The following TRIM35 variants were observed in gnomAD, a reference collection of about 807,000 sequenced individuals.
The protein encoded by TRIM35 is E3 ubiquitin-protein ligase TRIM35.
TRIM35 carries 37 observed loss-of-function variants against 49.1 expected under a neutral mutation model. The observed-to-expected ratio is 0.75, with a 90% CI of 0.58 to 0.99. TRIM35 has a LOEUF of 0.99. Ranked by LOEUF, TRIM35 falls within the 50% of genes least tolerant of loss-of-function variation. The probability of loss-of-function intolerance (pLI) is 0.00; values close to 1 mark genes in which losing one functional copy is unlikely to be tolerated. For missense variants in TRIM35, 648 were observed against 702.7 expected, an observed-to-expected ratio of 0.92 and a Z score of 0.88; for synonymous variants, 302 against 289.3, an observed-to-expected ratio of 1.04 and a Z score of -0.45.
chr8:27,303,771 G>A (rs1802726562), intron 1 of TRIM35, among the ~76,000 whole-genome samples: 1 of 152,134 alleles, frequency 6.6e-6, no homozygotes, highest in Non-Finnish European at 1.5e-5. Context: ...TCGGCTCACT[G>A]CAACCTCTGT....
At chr8:27,304,470 C>T (rs958224263) in intron 1 of TRIM35, among the ~76,000 whole-genome samples, 11 of 152,192 alleles carry the variant, frequency 7.2e-5, no homozygotes, top group Admixed American at 7.2e-4. Flanking sequence ...CCCGATCTTG[C>T]CAGCTCAGGT....
rs1359661625 is a variant in TRIM35, at chr8:27,287,279, G to C, written c.*271C>G. 2.2e-6 allele frequency: 1 copy of C among 462,066 alleles called. No homozygotes were observed. Among genetic ancestry groups the C allele is most frequent in the Non-Finnish European group, 3.9e-6 (1 of 259,170 alleles). 28.6% of individuals were successfully genotyped at this position (462,066 alleles called of 1,614,324 possible). ...CATTATTCCCAGAAATCCTGGAATA[G>C]GGATTCAGAAAATTCACATTGTGGA... On this transcript the variant is annotated 3_prime_UTR_variant, in exon 6 of 6. Transcript: ENST00000305364. This position sits in a 1 kb window ranked among gnomAD's most constrained non-coding sequence, Gnocchi z 6.0.
chr8:27,306,512 G>A (rs1359532637), intron 1 of TRIM35, among the ~76,000 whole-genome samples: 1 of 152,008 alleles, frequency 6.6e-6, no homozygotes, highest in Non-Finnish European at 1.5e-5. Flanking sequence ...TTTTAGTAGA[G>A]ATGGGGTTTC....
chr8:27,287,421 C>G lies in TRIM35; in HGVS notation c.*129G>C. The G allele has an allele frequency of 2.0e-6, 2 of 1,000,238 alleles. No homozygotes were observed. Among genetic ancestry groups the G allele is most frequent in the Admixed American group, 2.9e-5 (1 of 34,418 alleles). The allele number at this position is 1,000,238 out of a possible 1,614,324, so 62.0% of individuals were successfully genotyped here. On this transcript the variant is annotated 3_prime_UTR_variant, in exon 6 of 6. Coordinates refer to ENST00000305364, the MANE Select transcript of TRIM35 (RefSeq NM_171982.5). This position sits in a 1 kb window ranked among gnomAD's most constrained non-coding sequence, Gnocchi z 6.0. ...ACAGCCTGGAGTCATGGAAAAGGAC[C>G]AGGCAGGACAGGAGGAAGAGCCTGG...
chr8:27,308,918 C>T (rs1345583500), intron 1 of TRIM35, among the ~76,000 whole-genome samples: 1 of 152,258 alleles, frequency 6.6e-6, no homozygotes, highest in African/African-American at 2.4e-5. Context: ...CTTAAATTCC[C>T]TCAGTGCCTA....
chr8:27,294,574 T>C (rs1802528258), intron 2 of TRIM35, among the ~76,000 whole-genome samples: 1 of 152,238 alleles, frequency 6.6e-6, no homozygotes, highest in East Asian at 1.9e-4. Flanking sequence ...GCAACTGTAG[T>C]ACTATAACCT....
At chr8:27,304,220 G>A (rs1802737089) in intron 1 of TRIM35, among the ~76,000 whole-genome samples, 1 of 152,230 alleles carries the variant, frequency 6.6e-6, no homozygotes, top group African/African-American at 2.4e-5. Context: ...AAGCAGGAAG[G>A]TAGGGGCAAG....
chr8:27,298,457 C>T lies in TRIM35; in HGVS notation c.531+7G>A, dbSNP rs1004215835. 1.2e-5 allele frequency: 20 copies of T among 1,613,780 alleles called. No homozygotes were observed. Among genetic ancestry groups the T allele is most frequent in the Middle Eastern group, 1.7e-4 (1 of 5,992 alleles). ...AATCTTCCCACTTGGCCCCATCGTT[C>T]GCTCACCTGATTGTGCTTGGCGATG... On this transcript the variant is annotated splice_region_variant and intron_variant, in intron 2 of 5. Coordinates refer to ENST00000305364, the MANE Select transcript of TRIM35 (RefSeq NM_171982.5).
chr8:27,292,048 C>T (rs1161271435), intron 3 of TRIM35, among the ~76,000 whole-genome samples: 1 of 152,170 alleles, frequency 6.6e-6, no homozygotes, highest in Admixed American at 6.5e-5. Flanking sequence ...CATATTTAAA[C>T]CACAGCAACC....
At chr8:27,301,794 A>G (rs1802687983) in intron 1 of TRIM35, among the ~76,000 whole-genome samples, 1 of 152,184 alleles carries the variant, frequency 6.6e-6, no homozygotes, top group African/African-American at 2.4e-5. Flanking sequence ...TTGCATTATT[A>G]TTGTATAGCT....
Position 27,290,234 on chromosome 8 carries a change from T to A in TRIM35, c.763-56A>T, listed in dbSNP as rs1802425579. On this transcript the variant is annotated intron_variant, in intron 3 of 5. Coordinates refer to ENST00000305364, the MANE Select transcript of TRIM35 (RefSeq NM_171982.5). ...GAGACACAGATGTAGAGGAAATGTATATGTTTCTGACCTCAAAAGAAGTCA... is the reference window on the plus strand; with the variant it reads ...GAGACACAGATGTAGAGGAAATGTAAATGTTTCTGACCTCAAAAGAAGTCA... 3.8e-6 allele frequency: 6 copies of A among 1,574,932 alleles called. No individual in the cohort carries two copies. In the South Asian group the frequency reaches 6.7e-5, roughly 17 times the overall value.
chr8:27,310,721 G>T, intron 1 of TRIM35, 80 bp downstream of exon 1: 1 of 1,445,646 alleles, frequency 6.9e-7, no homozygotes, highest in Non-Finnish European at 9.3e-7. Flanking sequence ...CTGGCAGGCA[G>T]GAGGGGCGGG....
intron 1 of TRIM35, among the ~76,000 whole-genome samples, chr8:27,308,941 T>C (rs980359953): frequency 3.9e-5 from 6 of 152,206 alleles, no homozygotes; most frequent in African/African-American, 7.2e-5. Flanking sequence ...AAGTCAGGCT[T>C]TCCCACTTCT....
intron 1 of TRIM35, chr8:27,304,881 T>C (rs1281063150): frequency 4.5e-6 from 2 of 442,794 alleles, no homozygotes; most frequent in South Asian, 3.2e-5. Flanking sequence ...ACCTTAAAAA[T>C]GAAAGCAGAG....
At position 27,310,942 on chromosome 8, in the gene TRIM35, C is replaced by A. The variant is rs756802564; in HGVS notation, c.294G>T (p.Ser98=). 4 of 1,612,660 alleles carry A rather than the reference C, an allele frequency of 2.5e-6. No individual in the cohort carries two copies. Among genetic ancestry groups the A allele is most frequent in the Admixed American group, 1.7e-5 (1 of 59,964 alleles). The part of the protein sequence containing the change: ...EGARWTSYRF[S]RVCRLHRGQL... The stretch of plus-strand genomic sequence containing the variant: ...GTCCGCGGTGCAGGCGGCAGACACG[C>A]GAGAAGCGGTAGCTGGTCCAGCGCG... The change falls in exon 1 of 6, where the codon TCG becomes TCT. Residue 98 remains serine (S), a synonymous_variant. Transcript: ENST00000305364.
chr8:27,305,067 G>C (rs1447033000), intron 1 of TRIM35, among the ~76,000 whole-genome samples: 2 of 152,154 alleles, frequency 1.3e-5, no homozygotes, highest in African/African-American at 4.8e-5. Flanking sequence ...CTGGATAAGA[G>C]GGATAAAAAA....
At chr8:27,299,135 C>T (rs80008750) in intron 1 of TRIM35, among the ~76,000 whole-genome samples, 3,036 of 152,240 alleles carry the variant, frequency 0.02, 113 homozygotes, top group African/African-American at 0.069. Context: ...CTGCTTGTAT[C>T]GCACGGAATA....
Position 27,287,906 on chromosome 8 carries a change from G to A in TRIM35, c.1126C>T (p.Arg376Cys), listed in dbSNP as rs774054598. Reference sequence around the variant, plus strand: ...TGGCCCTCAGCGCCCGAGTCCTGGCGCACACGTACCACGCCCACCCTCCAG... The same window carrying A: ...TGGCCCTCAGCGCCCGAGTCCTGGCACACACGTACCACGCCCACCCTCCAG... ...QSWRVGVVRV[R>C]QDSGAEGHSH... The change falls in exon 6 of 6, where the codon CGC (arginine) becomes TGC (cysteine). Residue 376 changes from arginine (R) to cysteine (C), a missense_variant. Physicochemically the swap from Arg to Cys is radical, Grantham distance 180. Coordinates refer to ENST00000305364, the MANE Select transcript of TRIM35 (RefSeq NM_171982.5). This position sits in a 1 kb window ranked among gnomAD's most constrained non-coding sequence, Gnocchi z 6.0. The A allele has an allele frequency of 1.7e-5, 27 of 1,612,974 alleles. No homozygotes were observed. Among genetic ancestry groups the A allele is most frequent in the African/African-American group, 2.7e-5 (2 of 74,898 alleles).
chr8:27,286,581 TA>T lies in TRIM35; in HGVS notation c.*968del. 1 of 206,016 alleles carries T rather than the reference TA, an allele frequency of 4.9e-6. No individual in the cohort carries two copies. Among genetic ancestry groups the T allele is most frequent in the Non-Finnish European group, 9.9e-6 (1 of 101,080 alleles). 12.8% of individuals were successfully genotyped at this position (206,016 alleles called of 1,614,324 possible). On this transcript the variant is annotated 3_prime_UTR_variant, in exon 6 of 6. Coordinates refer to ENST00000305364, the MANE Select transcript of TRIM35 (RefSeq NM_171982.5). ...AAGGAAATAGGCCGAAATCACGATT[TA>T]AAAAATGTTGTGTTTAAGTACTCTG...
Sources: allele counts gnomAD v4.1 joint callset (sites outside exome capture counted in the v4.1 genomes callset), GRCh38; gene constraint gnomAD v4.1.1; non-coding constraint Gnocchi (gnomAD v3.1); transcripts MANE v1.5; gene names NCBI Gene and HGNC (gene_info 2026-07-23, HGNC 2026-07-21).